The following IMMP2L variants were observed in gnomAD, a reference collection of about 807,000 sequenced individuals.
IMMP2L encodes inner mitochondrial membrane peptidase subunit 2.
A neutral mutation model predicts 19.3 loss-of-function variants in IMMP2L; 18 were observed. The ratio of observed to expected loss-of-function variants is 0.93; its 90% CI spans 0.64 to 1.38. The LOEUF (loss-of-function observed/expected upper bound fraction) is 1.38. IMMP2L is among the 40% of genes most tolerant of loss of function. The pLI is 0.00. For synonymous variants in IMMP2L, 76 were observed against 73.0 expected (o/e 1.04, Z -0.21); for missense variants, 233 against 218.2 (o/e 1.07, Z -0.43).
At chr7:111,404,330 G>C (rs1264500711) in intron 3 of IMMP2L, among the ~76,000 whole-genome samples, 2 of 152,064 alleles carry the variant, frequency 1.3e-5, no homozygotes, top group Admixed American at 1.3e-4. Context: ...AGCTGTCACT[G>C]TAATTACAAT....
chr7:111,263,212 T>C (rs1049245830), intron 3 of IMMP2L, among the ~76,000 whole-genome samples: 17 of 152,148 alleles, frequency 1.1e-4, no homozygotes, highest in African/African-American at 3.9e-4. Context: ...AGGACAGAAA[T>C]AAGGAGACTA....
At chr7:111,319,100 T>A (rs1362402760) in intron 3 of IMMP2L, among the ~76,000 whole-genome samples, 1 of 152,078 alleles carries the variant, frequency 6.6e-6, no homozygotes, top group Non-Finnish European at 1.5e-5. Context: ...CGTTACCAAA[T>A]ATGTCTGTAG....
At position 110,856,901 on chromosome 7, in the gene IMMP2L, A is replaced by T. The variant is rs749769321; in HGVS notation, c.408+29692T>A. ...CTGGGAGCAGCCAGCTGTTTGGATGAATGACTCATCATTAACCTTGATGAA... is the reference window on the plus strand; with the variant it reads ...CTGGGAGCAGCCAGCTGTTTGGATGTATGACTCATCATTAACCTTGATGAA... On this transcript the variant is annotated intron_variant, in intron 5 of 5. Transcript: ENST00000405709. Among the ~76,000 whole-genome samples, 117 of 152,166 alleles carry T rather than the reference A, an allele frequency of 7.7e-4. 2 individuals are homozygous for T. Among genetic ancestry groups the T allele is most frequent in the Middle Eastern group, 6.8e-3 (2 of 294 alleles).
chr7:111,220,463 T>C (rs78590685), intron 3 of IMMP2L, among the ~76,000 whole-genome samples: 142 of 152,166 alleles, frequency 9.3e-4, no homozygotes, highest in African/African-American at 3.3e-3. Flanking sequence ...ATTTAAAAGA[T>C]GGTTTAATAT....
chr7:111,404,138 T>G (rs1833710126), intron 3 of IMMP2L, among the ~76,000 whole-genome samples: 1 of 152,128 alleles, frequency 6.6e-6, no homozygotes, highest in Non-Finnish European at 1.5e-5. Flanking sequence ...AAATTCATGC[T>G]AGTCAATCCA....
At chr7:111,368,207 G>A (rs1440282845) in intron 3 of IMMP2L, among the ~76,000 whole-genome samples, 2 of 151,704 alleles carry the variant, frequency 1.3e-5, no homozygotes, top group Non-Finnish European at 1.5e-5. Context: ...GTCATTTTAC[G>A]GCAGCCCAGC....
At chr7:111,539,277 T>C (rs927369149) in intron 1 of IMMP2L, among the ~76,000 whole-genome samples, 13 of 151,538 alleles carry the variant, frequency 8.6e-5, no homozygotes, top group Non-Finnish European at 1.2e-4. Flanking sequence ...AAAGAGAACA[T>C]ACGTCGATTA....
intron 4 of IMMP2L, among the ~76,000 whole-genome samples, chr7:110,936,726 T>G (rs971586765): frequency 2.0e-5 from 3 of 152,218 alleles, no homozygotes; most frequent in African/African-American, 7.2e-5. Flanking sequence ...TTATAGATCA[T>G]TCTACTATAA....
chr7:111,295,206 T>C (rs1027123222), intron 3 of IMMP2L, among the ~76,000 whole-genome samples: 2 of 151,994 alleles, frequency 1.3e-5, no homozygotes, highest in Non-Finnish European at 2.9e-5. Context: ...TAAAATTACA[T>C]AGCATTCATA....
intron 3 of IMMP2L, among the ~76,000 whole-genome samples, chr7:111,110,740 C>G (rs115896781): frequency 0.014 from 2,175 of 152,204 alleles, 65 homozygotes; most frequent in African/African-American, 0.05. Context: ...CTGCAGTAGA[C>G]ATTACTGATA....
intron 5 of IMMP2L, among the ~76,000 whole-genome samples, chr7:110,778,577 T>A (rs1216688276): frequency 6.6e-6 from 1 of 152,038 alleles, no homozygotes. Flanking sequence ...TATTCCTCCA[T>A]ATTTCAGAAA....
intron 3 of IMMP2L, among the ~76,000 whole-genome samples, chr7:111,006,214 A>T (rs1025443069): frequency 6.6e-6 from 1 of 152,190 alleles, no homozygotes; most frequent in Admixed American, 6.6e-5. Context: ...GCCAAAGCCA[A>T]TCCAAAGATA....
At chr7:111,210,649 C>T (rs991516688) in intron 3 of IMMP2L, among the ~76,000 whole-genome samples, 18 of 151,872 alleles carry the variant, frequency 1.2e-4, no homozygotes, top group Admixed American at 3.3e-4. Flanking sequence ...AAAAAAAATA[C>T]TACATCTGCC....
intron 5 of IMMP2L, among the ~76,000 whole-genome samples, chr7:110,862,147 T>C (rs1363656431): frequency 1.3e-5 from 2 of 151,948 alleles, no homozygotes; most frequent in Non-Finnish European, 2.9e-5. Flanking sequence ...ACATGTGGAT[T>C]TTTATACTTT....
At chr7:111,427,008 C>G (rs1361959473) in intron 3 of IMMP2L, among the ~76,000 whole-genome samples, 1 of 151,162 alleles carries the variant, frequency 6.6e-6, no homozygotes, top group Non-Finnish European at 1.5e-5. Context: ...AACTCATAGT[C>G]TCATTGCATT....
chr7:111,236,166 A>T (rs531427991), intron 3 of IMMP2L, among the ~76,000 whole-genome samples: 1 of 151,342 alleles, frequency 6.6e-6, no homozygotes, highest in South Asian at 2.1e-4. Flanking sequence ...TAACTGATTG[A>T]TGTTCTCCTC....
rs201450932 is a variant in IMMP2L, at chr7:110,919,690, AT to A, written c.306-32996del. On this transcript the variant is annotated intron_variant, in intron 4 of 5. Coordinates refer to ENST00000405709, the MANE Select transcript of IMMP2L (RefSeq NM_032549.4). Reference sequence around the variant, plus strand: ...AATTCACTTATTTCTTGAAAAAAAAATATTCTAAGAGTACCATTGTGAGCTA... The same window carrying A: ...AATTCACTTATTTCTTGAAAAAAAAAATTCTAAGAGTACCATTGTGAGCTA... Among the ~76,000 whole-genome samples the A allele has an allele frequency of 4.7e-3, 720 of 151,860 alleles. 4 individuals are homozygous for A. Among genetic ancestry groups the A allele is most frequent in the African/African-American group, 0.016 (664 of 41,332 alleles).
chr7:111,062,482 C>A (rs1193116956), intron 3 of IMMP2L, among the ~76,000 whole-genome samples: 2 of 152,128 alleles, frequency 1.3e-5, no homozygotes, highest in African/African-American at 4.8e-5. Context: ...CCTCCCAATT[C>A]TCATGTCTTC....
intron 3 of IMMP2L, among the ~76,000 whole-genome samples, chr7:111,290,424 T>C (rs984733216): frequency 6.6e-6 from 1 of 152,150 alleles, no homozygotes; most frequent in Admixed American, 6.5e-5. Context: ...TATTTGTATA[T>C]TCGTTGGAAT....
Sources: gnomAD v4.1 joint callset for allele counts (sites outside exome capture counted in the v4.1 genomes callset) on GRCh38, gnomAD v4.1.1 for gene constraint, MANE v1.5 for transcripts, NCBI Gene and HGNC (gene_info 2026-07-23, HGNC 2026-07-21) for gene names.